The following CNTNAP5 variants were observed in gnomAD, a reference collection of about 807,000 sequenced individuals.
CNTNAP5 encodes contactin associated protein family member 5, also known as contactin-associated protein-like 5.
CNTNAP5 carries 72 observed loss-of-function variants against 150.2 expected under a neutral mutation model. The observed-to-expected ratio is 0.48, with a 90% CI of 0.40 to 0.58. The LOEUF is 0.58. CNTNAP5 is among the 20% of genes least tolerant of loss of function. CNTNAP5 has a pLI of 0.00. For missense variants in CNTNAP5, 1,636 were observed against 1,626.2 expected, an observed-to-expected ratio of 1.01 and a Z score of -0.10; for synonymous variants, 672 against 619.8, an observed-to-expected ratio of 1.08 and a Z score of -1.25.
intron 1 of CNTNAP5, among the ~76,000 whole-genome samples, chr2:124,050,605 G>A (rs1645051863): frequency 6.6e-6 from 1 of 152,070 alleles, no homozygotes; most frequent in Non-Finnish European, 1.5e-5. Flanking sequence ...ATTCCCTCAT[G>A]CCTGCCATCC....
intron 13 of CNTNAP5, among the ~76,000 whole-genome samples, chr2:124,728,813 C>T (rs1373172561): frequency 6.6e-6 from 1 of 152,028 alleles, no homozygotes; most frequent in African/African-American, 2.4e-5. Flanking sequence ...GGCAACTCCA[C>T]AAATAAGATT....
chr2:124,902,868 C>A lies in CNTNAP5; in HGVS notation c.3437-14C>A. 6.3e-7 allele frequency: 1 copy of A among 1,587,606 alleles called. No individual in the cohort carries two copies. Among genetic ancestry groups the A allele is most frequent in the Non-Finnish European group, 8.6e-7 (1 of 1,161,444 alleles). On this transcript the variant is annotated splice_polypyrimidine_tract_variant and intron_variant, in intron 21 of 23. Coordinates refer to ENST00000682447, the MANE Select transcript of CNTNAP5 (RefSeq NM_001367498.1). ...AAAAAAGTAAAGGACTTCTGATTAT[C>A]TTTTACATTGCAGAGAATCTTGGTT...
chr2:124,799,148 G>T (rs544704486), intron 19 of CNTNAP5, among the ~76,000 whole-genome samples: 1 of 152,194 alleles, frequency 6.6e-6, no homozygotes, highest in African/African-American at 2.4e-5. Flanking sequence ...GTATCTAATA[G>T]GTTCTAGTGC....
At chr2:124,283,834 G>A (rs1425010649) in intron 3 of CNTNAP5, among the ~76,000 whole-genome samples, 1 of 152,130 alleles carries the variant, frequency 6.6e-6, no homozygotes, top group Admixed American at 6.6e-5. Context: ...CATGGTCTCT[G>A]GAGATTTTTT....
Position 124,772,867 on chromosome 2 carries a change from T to A in CNTNAP5, c.2602T>A (p.Ser868Thr). ...TGTGGAGCTTGTAGTCCAGTCTCCT[T>A]CTCTTCTGAATGACAACCAATGGCA... is the stretch of plus-strand genomic sequence containing the variant. Reference protein sequence around the residue: ...GPVELVVQSPSLLNDNQWHYV... With the variant: ...GPVELVVQSPTLLNDNQWHYV... Residue 868 changes from serine (S) to threonine (T), a missense_variant, in exon 17 of 24, where the codon TCT becomes ACT. Coordinates refer to ENST00000682447, the MANE Select transcript of CNTNAP5 (RefSeq NM_001367498.1). The A allele has an allele frequency of 1.2e-6, 2 of 1,613,616 alleles. No homozygotes were observed. Among genetic ancestry groups the A allele is most frequent in the South Asian group, 2.2e-5 (2 of 91,062 alleles).
intron 7 of CNTNAP5, among the ~76,000 whole-genome samples, chr2:124,502,213 G>A (rs891445814): frequency 5.3e-5 from 8 of 152,282 alleles, no homozygotes; most frequent in East Asian, 3.9e-4. Context: ...TAGATTCTGA[G>A]CAACCCTGTA....
chr2:124,687,804 C>T (rs772563412), intron 13 of CNTNAP5, among the ~76,000 whole-genome samples: 5 of 152,030 alleles, frequency 3.3e-5, no homozygotes, highest in Non-Finnish European at 5.9e-5. Flanking sequence ...TTACCATGTA[C>T]ATAAAATTAG....
At chr2:124,438,167 G>T (rs763633279) in intron 5 of CNTNAP5, among the ~76,000 whole-genome samples, 4 of 152,076 alleles carry the variant, frequency 2.6e-5, no homozygotes, top group Non-Finnish European at 4.4e-5. Context: ...GAACTATGTG[G>T]TTCCTCTTTG....
At chr2:124,251,416 A>C (rs1470241919) in intron 3 of CNTNAP5, among the ~76,000 whole-genome samples, 2 of 151,794 alleles carry the variant, frequency 1.3e-5, no homozygotes, top group African/African-American at 4.8e-5. Flanking sequence ...AGTACAGAGA[A>C]GGAGTCATAA....
intron 21 of CNTNAP5, among the ~76,000 whole-genome samples, chr2:124,882,272 G>A (rs899701692): frequency 6.6e-6 from 1 of 152,200 alleles, no homozygotes; most frequent in East Asian, 1.9e-4. Context: ...GAACCACTCA[G>A]CCCACTGACC....
intron 3 of CNTNAP5, among the ~76,000 whole-genome samples, chr2:124,388,043 G>A (rs1269120331): frequency 6.6e-6 from 1 of 152,212 alleles, no homozygotes; most frequent in Non-Finnish European, 1.5e-5. Flanking sequence ...AGGCTTCAGA[G>A]TGGCCTTAGG....
intron 3 of CNTNAP5, among the ~76,000 whole-genome samples, chr2:124,252,810 A>T (rs975823575): frequency 1.4e-4 from 21 of 152,178 alleles, no homozygotes; most frequent in African/African-American, 4.8e-4. Context: ...AATTTGAGGT[A>T]TTAAAGTTTG....
At chr2:124,460,366 T>G (rs915215591) in intron 6 of CNTNAP5, among the ~76,000 whole-genome samples, 1 of 152,230 alleles carries the variant, frequency 6.6e-6, no homozygotes, top group African/African-American at 2.4e-5. Context: ...AAAGAATACA[T>G]TATTTAAAAG....
intron 14 of CNTNAP5, among the ~76,000 whole-genome samples, chr2:124,755,819 T>G (rs1473481603): frequency 6.6e-6 from 1 of 152,210 alleles, no homozygotes; most frequent in South Asian, 2.1e-4. Context: ...GTAGCTATTT[T>G]TGCTGGTATC....
intron 3 of CNTNAP5, among the ~76,000 whole-genome samples, chr2:124,318,456 C>T (rs142991234): frequency 1.3e-5 from 2 of 152,090 alleles, no homozygotes; most frequent in African/African-American, 2.4e-5. Flanking sequence ...ATTTCAGGTA[C>T]AGTGCAGAGA....
At position 124,916,574 on chromosome 2, in the gene CNTNAP5, A is replaced by G. The variant is rs996649388; in HGVS notation, c.*2286A>G. On this transcript the variant is annotated 3_prime_UTR_variant, in exon 24 of 24. Transcript: ENST00000682447. ...ATTATTCAATCTTTGAGCAGTGAGG[A>G]CTATGTTTTGCTGACATAGTGCTAA... Among the ~76,000 whole-genome samples, 6 of 152,100 alleles carry G rather than the reference A, an allele frequency of 3.9e-5. No homozygotes were observed. The highest frequency in any genetic ancestry group is 1.4e-4 in the African/African-American group (6 of 41,444).
intron 1 of CNTNAP5, among the ~76,000 whole-genome samples, chr2:124,125,101 A>G (rs1418398379): frequency 6.6e-6 from 1 of 152,218 alleles, no homozygotes; most frequent in Non-Finnish European, 1.5e-5. Flanking sequence ...TGCACCAATT[A>G]AAAGACACAG....
intron 1 of CNTNAP5, among the ~76,000 whole-genome samples, chr2:124,091,445 A>G (rs74905314): frequency 1.1e-4 from 16 of 152,346 alleles, no homozygotes; most frequent in African/African-American, 2.6e-4. Context: ...GGTAAGCTAC[A>G]TGGCAAAGAA....
chr2:124,852,736 G>A (rs1403568128), intron 19 of CNTNAP5, among the ~76,000 whole-genome samples: 1 of 152,194 alleles, frequency 6.6e-6, no homozygotes. Context: ...AGTGAGAGCT[G>A]GTGATGGACT....
Sources: allele counts gnomAD v4.1 joint callset (sites outside exome capture counted in the v4.1 genomes callset), GRCh38; gene constraint gnomAD v4.1.1; transcripts MANE v1.5; gene names NCBI Gene and HGNC (gene_info 2026-07-23, HGNC 2026-07-21).